Variants in NAALADL2 observed in about 807,000 individuals in gnomAD.
NAALADL2 encodes the protein N-acetylated alpha-linked acidic dipeptidase like 2, also known as inactive N-acetylated-alpha-linked acidic dipeptidase-like protein 2.
Under a neutral mutation model 87.2 loss-of-function variants are expected in NAALADL2, and 76 were observed. That is an observed-to-expected ratio of 0.87 (90% CI 0.72 to 1.05). The LOEUF (loss-of-function observed/expected upper bound fraction) is 1.05, where lower values mean the gene tolerates loss of function less well. Ranked by LOEUF, NAALADL2 falls within the 50% of genes least tolerant of loss-of-function variation. The pLI, the probability that NAALADL2 is intolerant of heterozygous loss-of-function variation, is 0.00. For missense variants in NAALADL2, 1,089 were observed against 945.8 expected, an observed-to-expected ratio of 1.15 and a Z score of -1.99; for synonymous variants, 354 against 331.0, an observed-to-expected ratio of 1.07 and a Z score of -0.75.
chr3:175,358,626 A>C (rs1346422977), intron 5 of NAALADL2, among the ~76,000 whole-genome samples: 1 of 152,156 alleles, frequency 6.6e-6, no homozygotes. Context: ...GTTTTTCCAA[A>C]GGTAGGAAAT....
intron 2 of NAALADL2, among the ~76,000 whole-genome samples, chr3:174,575,667 C>T (rs561299051): frequency 4.6e-5 from 7 of 151,908 alleles, no homozygotes; most frequent in Admixed American, 1.3e-4. Flanking sequence ...TGACAGTCAC[C>T]GAAGTTACAT....
chr3:175,072,230 C>T (rs1385088602), intron 1 of NAALADL2, among the ~76,000 whole-genome samples: 3 of 152,022 alleles, frequency 2.0e-5, no homozygotes, highest in African/African-American at 7.2e-5. Context: ...CCTGAATTCA[C>T]ATGTTTATCC....
intron 1 of NAALADL2, among the ~76,000 whole-genome samples, chr3:174,444,050 C>A (rs1714864724): frequency 6.6e-6 from 1 of 151,878 alleles, no homozygotes; most frequent in Admixed American, 6.6e-5. Flanking sequence ...AGTTGTAGGA[C>A]CAGATGATGT....
chr3:175,218,033 T>C (rs1408490297), intron 2 of NAALADL2: 6 of 416,032 alleles, frequency 1.4e-5, no homozygotes, highest in South Asian at 7.2e-5. Context: ...TTCTAGAAAG[T>C]ATTGCAGTGA....
At chr3:175,714,538 G>T (rs1287990609) in intron 11 of NAALADL2, among the ~76,000 whole-genome samples, 2 of 152,138 alleles carry the variant, frequency 1.3e-5, no homozygotes, top group Admixed American at 6.6e-5. Context: ...CTTTTGAGAA[G>T]TGTCTGTTCA....
intron 1 of NAALADL2, among the ~76,000 whole-genome samples, chr3:174,456,099 T>A (rs554843131): frequency 6.6e-6 from 1 of 151,952 alleles, no homozygotes; most frequent in Non-Finnish European, 1.5e-5. Flanking sequence ...AGGAATACAA[T>A]CCCATTCACA....
At chr3:175,484,873 A>G (rs1264406117) in intron 9 of NAALADL2, among the ~76,000 whole-genome samples, 2 of 152,130 alleles carry the variant, frequency 1.3e-5, no homozygotes, top group Non-Finnish European at 2.9e-5. Context: ...AAGACAACAG[A>G]ACTGTTACTT....
chr3:175,269,128 G>A (rs973185171), intron 4 of NAALADL2, among the ~76,000 whole-genome samples: 3 of 87,870 alleles, frequency 3.4e-5, no homozygotes, highest in African/African-American at 9.1e-5. Flanking sequence ...CAGTAGAGAC[G>A]GGATTTCACC....
chr3:175,557,969 C>T (rs2072955183), intron 9 of NAALADL2, among the ~76,000 whole-genome samples: 1 of 151,646 alleles, frequency 6.6e-6, no homozygotes, highest in Non-Finnish European at 1.5e-5. Context: ...CTGAGGCGGA[C>T]AGATCACGAG....
rs1322824741 is a variant in NAALADL2 at position 175,343,669 on chromosome 3, TTTTTTTTC to T, written c.1090+19345_1090+19352del. On this transcript the variant is annotated intron_variant, in intron 5 of 13. Transcript: ENST00000454872. ...GTCTTGATCATGTTTTTTTTTTTTTTTTTTTTTCCCTTCCCACTGATCAAACTAGGAAA... is the reference window on the plus strand; with the variant it reads ...GTCTTGATCATGTTTTTTTTTTTTTTCCTTCCCACTGATCAAACTAGGAAA... 1.1e-4 allele frequency among the ~76,000 whole-genome samples: 16 copies of T among 144,862 alleles called. 1 individual carries two copies. Among genetic ancestry groups the T allele is most frequent in the Middle Eastern group, 3.5e-3 (1 of 284 alleles).
At chr3:175,719,668 G>A (rs1741945639) in intron 11 of NAALADL2, among the ~76,000 whole-genome samples, 1 of 152,114 alleles carries the variant, frequency 6.6e-6, no homozygotes, top group Non-Finnish European at 1.5e-5. Flanking sequence ...ATACCAGTTA[G>A]CAACCTAAAT....
At chr3:175,102,605 A>G (rs1722402377) in intron 2 of NAALADL2, among the ~76,000 whole-genome samples, 1 of 152,116 alleles carries the variant, frequency 6.6e-6, no homozygotes, top group South Asian at 2.1e-4. Context: ...TTATTTTCTG[A>G]CTTCACAAAT....
intron 2 of NAALADL2, among the ~76,000 whole-genome samples, chr3:175,147,867 C>T (rs1730975957): frequency 6.6e-6 from 1 of 151,792 alleles, no homozygotes; most frequent in Admixed American, 6.6e-5. Flanking sequence ...GTCAGGAGTT[C>T]GAGACAAGCC....
intron 5 of NAALADL2, among the ~76,000 whole-genome samples, chr3:175,443,405 T>G (rs1481932315): frequency 6.6e-6 from 1 of 152,180 alleles, no homozygotes; most frequent in East Asian, 1.9e-4. Context: ...TAAATATATC[T>G]TAAAGATGAT....
intron 2 of NAALADL2, among the ~76,000 whole-genome samples, chr3:174,578,777 T>G (rs1334093665): frequency 1.3e-5 from 2 of 151,908 alleles, no homozygotes; most frequent in Admixed American, 1.3e-4. Flanking sequence ...CTATTCATAA[T>G]TTGGGTATAC....
At chr3:174,890,030 C>A (rs1444813618) in intron 1 of NAALADL2, among the ~76,000 whole-genome samples, 1 of 152,078 alleles carries the variant, frequency 6.6e-6, no homozygotes, top group South Asian at 2.1e-4. Context: ...GAGTTCAGGC[C>A]ATGGTTCCAA....
intron 1 of NAALADL2, among the ~76,000 whole-genome samples, chr3:174,543,898 C>A (rs1445316765): frequency 6.6e-6 from 1 of 151,906 alleles, no homozygotes; most frequent in Non-Finnish European, 1.5e-5. Context: ...ATCCCAGCTA[C>A]CTGGTTGGCT....
rs113550395 is a variant in NAALADL2, at chr3:175,550,849, A to T, written c.1654-25192A>T. 9.7e-3 allele frequency among the ~76,000 whole-genome samples: 1,473 copies of T among 152,334 alleles called. 29 individuals carry two copies. The highest frequency in any genetic ancestry group is 0.033 in the African/African-American group (1,370 of 41,562). On this transcript the variant is annotated intron_variant, in intron 9 of 13. Coordinates refer to ENST00000454872, the MANE Select transcript of NAALADL2 (RefSeq NM_207015.3). ...ATATACTGTTTGAGGGAAAACTCAC[A>T]TATGCCTAAAACATTTGGCTGATGC...
At chr3:175,781,655 CAAA>C (rs777223385) in intron 13 of NAALADL2, among the ~76,000 whole-genome samples, 31 of 97,540 alleles carry the variant, frequency 3.2e-4, no homozygotes, top group Non-Finnish European at 6.9e-4. Context: ...TCATTTTTAG[CAAA>C]AAAAAAAAAA....
Sources: gnomAD v4.1 joint callset for allele counts (sites outside exome capture counted in the v4.1 genomes callset) on GRCh38, gnomAD v4.1.1 for gene constraint, MANE v1.5 for transcripts, NCBI Gene and HGNC (gene_info 2026-07-23, HGNC 2026-07-21) for gene names.